Variants in PCCB observed in about 807,000 individuals in gnomAD.
PCCB encodes propionyl-CoA carboxylase beta chain, mitochondrial.
Under a neutral mutation model 60.7 loss-of-function variants are expected in PCCB, and 43 were observed. The ratio of observed to expected loss-of-function variants is 0.71; its 90% confidence interval spans 0.55 to 0.91. The LOEUF (loss-of-function observed/expected upper bound fraction) is 0.91, where lower values mean the gene tolerates loss of function less well. PCCB is among the 40% of genes least tolerant of loss of function. The probability of loss-of-function intolerance (pLI) is 0.00; values close to 1 mark genes in which losing one functional copy is unlikely to be tolerated. For missense variants in PCCB, 766 were observed against 702.8 expected, an observed-to-expected ratio of 1.09 and a Z score of -1.02; for synonymous variants, 276 against 255.9, an observed-to-expected ratio of 1.08 and a Z score of -0.75.
At chr3:136,293,642 C>T (rs565102468) in intron 6 of PCCB, 114 bp from the exon 7 acceptor site, 16 of 783,492 alleles carry the variant, frequency 2.0e-5, no homozygotes, top group Middle Eastern at 3.5e-4. Context: ...ATCCTATCCT[C>T]ATTCAGCCAC....
In PCCB at chr3:136,301,011, G is replaced by C; in HGVS notation, c.885-19G>C. ...GGCTCTTCCTATGTTGACTATACCT[G>C]CCTTTTTTCTGCCTAAAGTGACCGT... On this transcript the variant is annotated intron_variant, in intron 8 of 14. Coordinates refer to ENST00000251654, the MANE Select transcript of PCCB (RefSeq NM_000532.5). The C allele has an allele frequency of 6.2e-7, 1 of 1,603,666 alleles. No homozygotes were observed. The highest frequency in any genetic ancestry group is 8.5e-7 in the Non-Finnish European group (1 of 1,170,522).
intron 10 of PCCB, among the ~76,000 whole-genome samples, chr3:136,325,727 A>G (rs924994282): frequency 2.0e-5 from 3 of 152,030 alleles, no homozygotes; most frequent in Admixed American, 2.0e-4. Flanking sequence ...ATGTTCATAT[A>G]GTTTTTTTCC....
At chr3:136,284,165 G>T (rs1317726885) in intron 6 of PCCB, among the ~76,000 whole-genome samples, 2 of 152,180 alleles carry the variant, frequency 1.3e-5, no homozygotes, top group East Asian at 3.8e-4. Context: ...TCATTGGTGG[G>T]TGATTTTACT....
intron 6 of PCCB, among the ~76,000 whole-genome samples, chr3:136,289,940 C>A (rs1161421806): frequency 6.6e-6 from 1 of 152,158 alleles, no homozygotes; most frequent in African/African-American, 2.4e-5. Flanking sequence ...TCCTATCCCT[C>A]ATATGATATA....
At chr3:136,260,617 C>A in intron 4 of PCCB, 82 bp downstream of exon 4, 1 of 1,182,812 alleles carries the variant, frequency 8.5e-7, no homozygotes, top group Admixed American at 1.9e-5. Flanking sequence ...GTACAAGACA[C>A]TGAGCTAGGT....
chr3:136,321,911 C>A (rs1935122623), intron 10 of PCCB, among the ~76,000 whole-genome samples: 1 of 152,196 alleles, frequency 6.6e-6, no homozygotes, highest in Non-Finnish European at 1.5e-5. Flanking sequence ...TCTGTATGGA[C>A]AATTTTGTCA....
intron 9 of PCCB, among the ~76,000 whole-genome samples, chr3:136,313,722 A>G (rs1357712384): frequency 2.0e-5 from 3 of 152,188 alleles, no homozygotes; most frequent in Admixed American, 1.3e-4. Flanking sequence ...TGTCTTTTGA[A>G]CCTATATTTT....
At chr3:136,300,311 G>C (rs1934216324) in intron 8 of PCCB, among the ~76,000 whole-genome samples, 2 of 152,280 alleles carry the variant, frequency 1.3e-5, no homozygotes, top group South Asian at 2.1e-4. Context: ...CCAAACCTCA[G>C]CCCAGGAGTA....
chr3:136,257,585 G>A lies in PCCB; in HGVS notation c.372+962G>A, dbSNP rs148689750. ...TTTGGATTTGACTTTTTTCTCTCCA[G>A]AGGTGGAAATATGTATATAATTTAA... On this transcript the variant is annotated intron_variant, in intron 3 of 14. Coordinates refer to ENST00000251654, the MANE Select transcript of PCCB (RefSeq NM_000532.5). 3.6e-3 allele frequency among the ~76,000 whole-genome samples: 546 copies of A among 152,284 alleles called. 6 individuals are homozygous for A. The highest frequency in any genetic ancestry group is 5.3e-3 in the Non-Finnish European group (360 of 68,026).
At chr3:136,308,200 G>GT (rs1576346188) in intron 9 of PCCB, among the ~76,000 whole-genome samples, 1 of 150,226 alleles carries the variant, frequency 6.7e-6, no homozygotes, top group East Asian at 2.0e-4. Flanking sequence ...ATTGAACAGA[G>GT]TAAAGTTCAG....
At chr3:136,280,453 C>G (rs758547364) in intron 5 of PCCB, among the ~76,000 whole-genome samples, 5 of 152,142 alleles carry the variant, frequency 3.3e-5, no homozygotes, top group Non-Finnish European at 7.4e-5. Flanking sequence ...TCAAATGATT[C>G]TCCCTCCTCA....
Position 136,264,440 on chromosome 3 carries a change from G to GTGTGTATATATATATATATATATA in PCCB, c.543+2376_543+2377insGTGTATATATATATATATATATAT. ...CTGTCTCTCATATATATGTGTGTGT[G>GTGTGTATATATATATATATATATA]TATATATGTATATATATATATGTTC... On this transcript the variant is annotated intron_variant, in intron 5 of 14. Coordinates refer to ENST00000251654, the MANE Select transcript of PCCB (RefSeq NM_000532.5). Among the ~76,000 whole-genome samples, 26 of 123,836 alleles carry GTGTGTATATATATATATATATATA rather than the reference G, an allele frequency of 2.1e-4. 2 individuals carry two copies. The highest frequency in any genetic ancestry group is 5.3e-4 in the South Asian group (2 of 3,806). The allele number at this position is 123,836 out of a possible 152,430, so 81.2% of individuals were successfully genotyped here.
chr3:136,325,878 A>T (rs1007606121), intron 10 of PCCB, among the ~76,000 whole-genome samples: 2 of 151,972 alleles, frequency 1.3e-5, no homozygotes, highest in Admixed American at 1.3e-4. Context: ...CAGTGGCATG[A>T]TTTCAGCTCA....
At chr3:136,256,004 T>C in intron 2 of PCCB, 29 bp downstream of exon 2, 1 of 1,613,896 alleles carries the variant, frequency 6.2e-7, no homozygotes, top group Non-Finnish European at 8.5e-7. Flanking sequence ...GTGTGAACAC[T>C]TTTTAGGTGT....
chr3:136,299,714 GTGTA>G (rs1302999886), intron 8 of PCCB, among the ~76,000 whole-genome samples: 3 of 148,234 alleles, frequency 2.0e-5, no homozygotes, highest in East Asian at 2.0e-4. Flanking sequence ...AGGTATGCAT[GTGTA>G]TGTATGTATA....
At chr3:136,253,244 C>G (rs1941572201) in intron 1 of PCCB, among the ~76,000 whole-genome samples, 1 of 151,780 alleles carries the variant, frequency 6.6e-6, no homozygotes. Context: ...TGCCCACCAC[C>G]ACACCTGGCT....
At chr3:136,253,350 A>C (rs1160827777) in intron 1 of PCCB, among the ~76,000 whole-genome samples, 1 of 151,110 alleles carries the variant, frequency 6.6e-6, no homozygotes, top group Non-Finnish European at 1.5e-5. Flanking sequence ...CGGCCTCCCA[A>C]AGTGTTGGGA....
intron 9 of PCCB, among the ~76,000 whole-genome samples, chr3:136,311,029 T>G (rs1258094828): frequency 6.6e-6 from 1 of 152,148 alleles, no homozygotes; most frequent in Non-Finnish European, 1.5e-5. Flanking sequence ...GGATGCCCAT[T>G]ATTCCCATTA....
intron 7 of PCCB, among the ~76,000 whole-genome samples, chr3:136,295,050 T>C (rs1368897792): frequency 1.3e-5 from 2 of 152,256 alleles, no homozygotes; most frequent in African/African-American, 2.4e-5. Flanking sequence ...GATTCTGATA[T>C]TAGTGAAGAC....
Sources: gnomAD v4.1 joint callset for allele counts (sites outside exome capture counted in the v4.1 genomes callset) on GRCh38, gnomAD v4.1.1 for gene constraint, MANE v1.5 for transcripts, NCBI Gene and HGNC (gene_info 2026-07-23, HGNC 2026-07-21) for gene names.